PTPRD: variants seen among roughly 807,000 people sequenced by gnomAD.
PTPRD encodes the protein receptor-type tyrosine-protein phosphatase delta.
In PTPRD, 34 loss-of-function variants were observed where a neutral mutation model predicts 214.5. The ratio of observed to expected loss-of-function variants is 0.16; its 90% CI spans 0.12 to 0.21. The LOEUF (loss-of-function observed/expected upper bound fraction) is 0.21. Among genes scored for constraint, PTPRD ranks in the 10% least tolerant of loss-of-function variants. The probability of loss-of-function intolerance (pLI) is 1.00; values close to 1 mark genes in which losing one functional copy is unlikely to be tolerated. For synonymous variants in PTPRD, 1,128 were observed against 845.7 expected (o/e 1.33, Z -5.79); for missense variants, 2,545 against 2,398.7 (o/e 1.06, Z -1.27).
chr9:9,743,350 G>C (rs1169001266), intron 6 of PTPRD, among the ~76,000 whole-genome samples: 1 of 152,094 alleles, frequency 6.6e-6, no homozygotes, highest in African/African-American at 2.4e-5. Context: ...TATTCATTTG[G>C]ATAATTTGCC....
chr9:10,314,779 A>G (rs1046704030), intron 3 of PTPRD, among the ~76,000 whole-genome samples: 1 of 151,936 alleles, frequency 6.6e-6, no homozygotes, highest in Non-Finnish European at 1.5e-5. Context: ...CTATTGATAG[A>G]CTATTTTGAA....
At chr9:9,582,725 G>T (rs538491012) in intron 7 of PTPRD, among the ~76,000 whole-genome samples, 33 of 151,944 alleles carry the variant, frequency 2.2e-4, no homozygotes, top group Non-Finnish European at 4.4e-4. Context: ...ATTTTACAAA[G>T]ATATTTGTGT....
At chr9:9,820,027 T>A (rs2050173431) in intron 5 of PTPRD, among the ~76,000 whole-genome samples, 1 of 152,208 alleles carries the variant, frequency 6.6e-6, no homozygotes, top group South Asian at 2.1e-4. Flanking sequence ...CTGGGTTGTA[T>A]GATAGTCCTG....
chr9:9,561,009 C>T (rs2082791455), intron 8 of PTPRD, among the ~76,000 whole-genome samples: 1 of 151,992 alleles, frequency 6.6e-6, no homozygotes, highest in Non-Finnish European at 1.5e-5. Flanking sequence ...GTGCCATGTG[C>T]CTGCCATGTC....
chr9:10,474,692 C>G (rs1405039503), intron 2 of PTPRD, among the ~76,000 whole-genome samples: 1 of 152,014 alleles, frequency 6.6e-6, no homozygotes, highest in African/African-American at 2.4e-5. Flanking sequence ...CACTCCTCAG[C>G]ACCACATACC....
At chr9:9,381,616 G>C (rs889629969) in intron 9 of PTPRD, among the ~76,000 whole-genome samples, 1 of 151,776 alleles carries the variant, frequency 6.6e-6, no homozygotes, top group Non-Finnish European at 1.5e-5. Context: ...GCCTCCCAAA[G>C]TGCTGAGATT....
intron 11 of PTPRD, among the ~76,000 whole-genome samples, chr9:8,909,674 G>A (rs893592000): frequency 1.3e-5 from 2 of 151,950 alleles, no homozygotes; most frequent in Non-Finnish European, 1.5e-5. Flanking sequence ...TTTCTCCTAA[G>A]ATTGAAAAGA....
intron 8 of PTPRD, among the ~76,000 whole-genome samples, chr9:9,443,355 C>A (rs1365214952): frequency 6.6e-6 from 1 of 152,170 alleles, no homozygotes; most frequent in Non-Finnish European, 1.5e-5. Flanking sequence ...ACTTCAGAAA[C>A]TAAACAGAAA....
rs139739213 is a variant in PTPRD, at chr9:8,795,958, G to C, written c.-103-62012C>G. ...TTTTACCTTGTATAGTTACACTATG[G>C]AGCAAAGTTCTTTTAACTTCGATAA... On this transcript the variant is annotated intron_variant, in intron 11 of 45. Transcript: ENST00000381196. Among the ~76,000 whole-genome samples the C allele has an allele frequency of 1.2e-4, 19 of 152,238 alleles. No homozygotes were observed. The East Asian group carries it at 3.5e-3, about 28-fold the overall frequency.
intron 5 of PTPRD, among the ~76,000 whole-genome samples, chr9:9,911,800 A>G (rs1366623872): frequency 1.3e-5 from 2 of 152,128 alleles, no homozygotes; most frequent in Admixed American, 6.6e-5. Context: ...AAATGTTAAT[A>G]AAATAATTCA....
At chr9:9,595,863 G>C (rs2093309085) in intron 7 of PTPRD, among the ~76,000 whole-genome samples, 1 of 151,486 alleles carries the variant, frequency 6.6e-6, no homozygotes, top group Admixed American at 6.6e-5. Flanking sequence ...TCAATGATAG[G>C]TACACCAAAA....
chr9:8,837,184 T>C (rs2097448050), intron 11 of PTPRD, among the ~76,000 whole-genome samples: 1 of 151,862 alleles, frequency 6.6e-6, no homozygotes, highest in African/African-American at 2.4e-5. Context: ...CCAGCTAATT[T>C]TTGTATTTTC....
At chr9:9,053,372 G>T (rs527619133) in intron 10 of PTPRD, among the ~76,000 whole-genome samples, 4 of 151,138 alleles carry the variant, frequency 2.6e-5, no homozygotes, top group Admixed American at 2.0e-4. Context: ...AATGCTAGTT[G>T]TTATGATGGC....
At chr9:10,022,658 G>T (rs890223492) in intron 4 of PTPRD, among the ~76,000 whole-genome samples, 11 of 151,994 alleles carry the variant, frequency 7.2e-5, no homozygotes, top group Non-Finnish European at 1.0e-4. Context: ...TAAACTATAG[G>T]AAAAAAATCA....
At chr9:10,357,110 A>T (rs2097293713) in intron 2 of PTPRD, among the ~76,000 whole-genome samples, 1 of 152,184 alleles carries the variant, frequency 6.6e-6, no homozygotes, top group Non-Finnish European at 1.5e-5. Flanking sequence ...AGCAGAAAAC[A>T]CTCCAAAAAA....
At chr9:9,836,404 C>T (rs955945575) in intron 5 of PTPRD, among the ~76,000 whole-genome samples, 1 of 152,102 alleles carries the variant, frequency 6.6e-6, no homozygotes, top group Non-Finnish European at 1.5e-5. Context: ...GGGCTCATTA[C>T]CCACGTGGTC....
At chr9:8,541,054 C>T (rs1001126700) in intron 14 of PTPRD, among the ~76,000 whole-genome samples, 1 of 152,010 alleles carries the variant, frequency 6.6e-6, no homozygotes, top group Admixed American at 6.6e-5. Flanking sequence ...AAATGTTTCA[C>T]TGAAAAAATG....
chr9:9,561,893 C>G (rs1226513778), intron 8 of PTPRD, among the ~76,000 whole-genome samples: 1 of 152,156 alleles, frequency 6.6e-6, no homozygotes, highest in Non-Finnish European at 1.5e-5. Context: ...CATTTTCTCT[C>G]TATGTATACA....
intron 2 of PTPRD, among the ~76,000 whole-genome samples, chr9:10,606,223 C>A (rs1465274101): frequency 1.3e-5 from 2 of 151,792 alleles, no homozygotes; most frequent in African/African-American, 2.4e-5. Context: ...CCACCTAACC[C>A]CAAGGTGAAA....
Sources: gnomAD v4.1 joint callset for allele counts (sites outside exome capture counted in the v4.1 genomes callset) on GRCh38, gnomAD v4.1.1 for gene constraint, MANE v1.5 for transcripts, NCBI Gene and HGNC (gene_info 2026-07-23, HGNC 2026-07-21) for gene names.